Variants in NFU1 observed in about 807,000 individuals in gnomAD.
The protein encoded by NFU1 is NFU1 iron-sulfur cluster scaffold homolog, mitochondrial.
In NFU1, 30 loss-of-function variants were observed where a neutral mutation model predicts 32.2. That is an observed-to-expected ratio of 0.93 (90% CI 0.70 to 1.26). NFU1 has a LOEUF of 1.26. NFU1 is among the 50% of genes most tolerant of loss of function. NFU1 has a pLI of 0.00. For synonymous variants in NFU1, 112 were observed against 104.6 expected (o/e 1.07, Z -0.43); for missense variants, 306 against 306.6 (o/e 1.00, Z 0.02).
intron 2 of NFU1, 93 bp from the exon 3 acceptor site, chr2:69,423,810 G>A (rs1673349445): frequency 2.1e-6 from 2 of 971,616 alleles, no homozygotes; most frequent in South Asian, 1.5e-5. Context: ...ATCAGAAGAA[G>A]TAAGAAAAAC....
chr2:69,410,642 A>G (rs190245714), intron 5 of NFU1, among the ~76,000 whole-genome samples: 1 of 152,360 alleles, frequency 6.6e-6, no homozygotes, highest in East Asian at 1.9e-4. Context: ...CCTGAAATAC[A>G]GTAATCAGTA....
In NFU1 at chr2:69,415,196, G is replaced by T; in HGVS notation, c.473C>A (p.Ser158Ter). ...ATACAACATGTTACCTGCTTCTCCT[G>T]AAGGTGTTTCCTCAGTAACCAGGGG... ...GLPLVTEETP[S>*]GEAGSEEDDE... Residue 158 changes from serine (S) to a stop codon, truncating the protein, a stop_gained, in exon 5 of 8, where the codon TCA (serine) becomes TAA (stop). Coordinates refer to ENST00000410022, the MANE Select transcript of NFU1 (RefSeq NM_001002755.4). LOFTEE classifies it high-confidence loss of function. 1.3e-6 allele frequency: 2 copies of T among 1,590,764 alleles called. No homozygotes were observed. Among genetic ancestry groups the T allele is most frequent in the Non-Finnish European group, 1.7e-6 (2 of 1,158,832 alleles).
At chr2:69,427,440 G>GCA (rs1673498352) in intron 2 of NFU1, among the ~76,000 whole-genome samples, 1 of 151,764 alleles carries the variant, frequency 6.6e-6, no homozygotes, top group Non-Finnish European at 1.5e-5. Flanking sequence ...TCAGCACTTT[G>GCA]GGAGGTAAAG....
chr2:69,419,778 C>A (rs1315808811), intron 3 of NFU1, among the ~76,000 whole-genome samples, 174 bp from the exon 4 acceptor site: 1 of 152,202 alleles, frequency 6.6e-6, no homozygotes, highest in African/African-American at 2.4e-5. Context: ...AGCAATCCCA[C>A]TCCTAGTTAT....
Position 69,408,547 on chromosome 2 carries a change from C to T in NFU1, c.485-2465G>A, listed in dbSNP as rs188570786. Among the ~76,000 whole-genome samples the T allele has an allele frequency of 3.5e-3, 526 of 151,864 alleles. 3 individuals are homozygous for T. Among genetic ancestry groups the T allele is most frequent in the African/African-American group, 0.012 (509 of 41,456 alleles). On this transcript the variant is annotated intron_variant, in intron 5 of 7. Coordinates refer to ENST00000410022, the MANE Select transcript of NFU1 (RefSeq NM_001002755.4). ...CCAGCCTGGCCAACATGGTGAAATC[C>T]CGTCTCTACTAAAAATACAGAAATT...
intron 7 of NFU1, 54 bp downstream of exon 7, chr2:69,400,310 C>G (rs769342309): frequency 6.6e-7 from 1 of 1,510,736 alleles, no homozygotes; most frequent in South Asian, 1.1e-5. Context: ...TTTGTATCTA[C>G]AAAGAAAAAG....
chr2:69,406,788 T>C (rs1438793381), intron 5 of NFU1, among the ~76,000 whole-genome samples: 2 of 152,146 alleles, frequency 1.3e-5, no homozygotes, highest in Non-Finnish European at 2.9e-5. Context: ...CTGATATGGT[T>C]TGGCTGTGTC....
intron 4 of NFU1, among the ~76,000 whole-genome samples, chr2:69,416,982 A>G (rs1445819449): frequency 6.6e-6 from 1 of 152,216 alleles, no homozygotes; most frequent in Non-Finnish European, 1.5e-5. Flanking sequence ...AAGTAAAACT[A>G]GTGAAATATC....
intron 4 of NFU1, among the ~76,000 whole-genome samples, chr2:69,416,524 G>C (rs1050355219): frequency 6.6e-6 from 1 of 151,758 alleles, no homozygotes; most frequent in African/African-American, 2.4e-5. Flanking sequence ...AAAAAACATA[G>C]GATGTAATTG....
chr2:69,432,062 G>T, intron 1 of NFU1, 57 bp from the exon 2 acceptor site: 1 of 1,180,772 alleles, frequency 8.5e-7, no homozygotes, highest in Non-Finnish European at 1.3e-6. Flanking sequence ...TTTTAAAGTT[G>T]GTTTCTACTT....
chr2:69,430,658 T>C (rs1253025711), intron 2 of NFU1, among the ~76,000 whole-genome samples: 9 of 152,214 alleles, frequency 5.9e-5, no homozygotes, highest in Admixed American at 5.9e-4. Context: ...TATGACCACA[T>C]ATTTCAGTCC....
intron 7 of NFU1, among the ~76,000 whole-genome samples, chr2:69,396,798 C>T (rs1672351604): frequency 6.6e-6 from 1 of 152,036 alleles, no homozygotes; most frequent in African/African-American, 2.4e-5. Context: ...TGGGGCCAGG[C>T]GCGGTGGCTC....
At chr2:69,404,615 A>ATTTTTTTTTTCTTTTT (rs1672635944) in intron 6 of NFU1, among the ~76,000 whole-genome samples, 1 of 73,008 alleles carries the variant, frequency 1.4e-5, no homozygotes, top group African/African-American at 6.3e-5. Flanking sequence ...ATCTTAGCAA[A>ATTTTTTTTTTCTTTTT]TTTTTTTTTT....
intron 2 of NFU1, among the ~76,000 whole-genome samples, chr2:69,425,801 T>C (rs1673436401): frequency 6.6e-6 from 1 of 152,022 alleles, no homozygotes; most frequent in Admixed American, 6.6e-5. Flanking sequence ...GCTTTACATG[T>C]ATTTATGCCT....
At chr2:69,436,176 T>A (rs1238443183) in intron 1 of NFU1, among the ~76,000 whole-genome samples, 2 of 152,184 alleles carry the variant, frequency 1.3e-5, no homozygotes, top group African/African-American at 4.8e-5. Flanking sequence ...CACAATGGCC[T>A]CAGTTCTTCA....
chr2:69,431,038 T>G (rs1163717096), intron 2 of NFU1, among the ~76,000 whole-genome samples: 1 of 152,326 alleles, frequency 6.6e-6, no homozygotes, highest in East Asian at 1.9e-4. Flanking sequence ...ACACTTCAAA[T>G]TATTTTAAAT....
chr2:69,419,550 G>T lies in NFU1; in HGVS notation c.357C>A (p.Ile119=). 6.3e-7 allele frequency: 1 copy of T among 1,580,690 alleles called. No individual in the cohort carries two copies. The highest frequency in any genetic ancestry group is 1.1e-5 in the South Asian group (1 of 89,566). The change falls in exon 4 of 8, where the codon ATC becomes ATA. Residue 119 remains isoleucine, a synonymous_variant. Coordinates refer to ENST00000410022, the MANE Select transcript of NFU1 (RefSeq NM_001002755.4). ...ATCCTATGTTTACCTTTGTGACAGT[G>T]ATGAAATCTGGTCCAAAGAAGACAC... The part of the protein sequence containing the change: ...VKSVFFGPDF[I]TVTKENEELD...
At chr2:69,433,622 T>C (rs1050916328) in intron 1 of NFU1, among the ~76,000 whole-genome samples, 8 of 151,548 alleles carry the variant, frequency 5.3e-5, no homozygotes, top group African/African-American at 1.7e-4. Context: ...ATTACAGGTG[T>C]ACACCATCAC....
At chr2:69,405,988 G>T (rs760599922) in intron 6 of NFU1, 34 bp downstream of exon 6, 254 of 1,379,590 alleles carry the variant, frequency 1.8e-4, no homozygotes, top group Non-Finnish European at 2.4e-4. Context: ...TGCCTCCAAA[G>T]CACTTGAATT....
Sources: gnomAD v4.1 joint callset for allele counts (sites outside exome capture counted in the v4.1 genomes callset) on GRCh38, gnomAD v4.1.1 for gene constraint, MANE v1.5 for transcripts, NCBI Gene and HGNC (gene_info 2026-07-23, HGNC 2026-07-21) for gene names.